Variants in UTRN observed in about 807,000 individuals in gnomAD.
UTRN encodes the protein utrophin, also known as dystrophin-related protein 1.
UTRN carries 283 observed loss-of-function variants against 463.9 expected under a neutral mutation model. The observed-to-expected ratio is 0.61, with a 90% CI of 0.55 to 0.67. The LOEUF is 0.67. UTRN is among the 30% of genes least tolerant of loss of function. The probability of loss-of-function intolerance (pLI) is 0.00; values close to 1 mark genes in which losing one functional copy is unlikely to be tolerated. For missense variants in UTRN, 3,922 were observed against 4,084.3 expected (o/e 0.96, Z 1.08); for synonymous variants, 1,442 against 1,431.5 (o/e 1.01, Z -0.17).
At position 144,523,075 on chromosome 6, in the gene UTRN, G is replaced by A. The variant is rs781438829; in HGVS notation, c.5793G>A (p.Gln1931=). The A allele has an allele frequency of 3.1e-6, 5 of 1,613,332 alleles. No individual in the cohort carries two copies. The Admixed American group carries it at 5.0e-5, about 16-fold the overall frequency. Residue 1931 remains glutamine, a synonymous_variant, in exon 41 of 75, where the codon CAG becomes CAA. Transcript: ENST00000367545. ...AGATTGCAGTCATTCATGAAAAACA[G>A]CCAGATGTCATCCTTGAAGCCTCTG... ...GEQIAVIHEK[Q]PDVILEASGP...
chr6:144,667,047 C>CCTTCTA (rs1413131045), intron 51 of UTRN, among the ~76,000 whole-genome samples: 1 of 149,674 alleles, frequency 6.7e-6, no homozygotes. Flanking sequence ...TCCTCCTCCT[C>CCTTCTA]CTTCTACTTC....
intron 53 of UTRN, among the ~76,000 whole-genome samples, chr6:144,715,315 A>G (rs1169907441): frequency 6.6e-6 from 1 of 152,172 alleles, no homozygotes; most frequent in Non-Finnish European, 1.5e-5. Context: ...CTCTGTTCAA[A>G]ATATAGAATC....
At chr6:144,306,934 G>A (rs890778638) in intron 2 of UTRN, among the ~76,000 whole-genome samples, 7 of 151,472 alleles carry the variant, frequency 4.6e-5, no homozygotes, top group South Asian at 2.1e-4. Context: ...GCATGGGGTC[G>A]CGCACCTGTA....
At chr6:144,404,805 A>G (rs1783239026) in intron 3 of UTRN, among the ~76,000 whole-genome samples, 1 of 152,186 alleles carries the variant, frequency 6.6e-6, no homozygotes, top group Non-Finnish European at 1.5e-5. Flanking sequence ...AGACAGAATA[A>G]TTGAAAAGAA....
chr6:144,710,921 A>G (rs1447447011), intron 53 of UTRN, among the ~76,000 whole-genome samples: 1 of 152,238 alleles, frequency 6.6e-6, no homozygotes, highest in Non-Finnish European at 1.5e-5. Context: ...TTTGGTAAAC[A>G]GCACACTCAT....
At chr6:144,410,569 A>C (rs1328069772) in intron 3 of UTRN, among the ~76,000 whole-genome samples, 1 of 149,326 alleles carries the variant, frequency 6.7e-6, no homozygotes, top group African/African-American at 2.5e-5. Flanking sequence ...CCTCACCCCC[A>C]CTCCCACCTG....
intron 25 of UTRN, among the ~76,000 whole-genome samples, chr6:144,477,908 T>TATCTATCTATCTATCTATCC (rs376542743): frequency 2.7e-5 from 4 of 147,426 alleles, no homozygotes; most frequent in South Asian, 2.2e-4. Flanking sequence ...TCTATCTATC[T>TATCTATCTATCTATCTATCC]ATCCATCCAT....
At chr6:144,811,939 G>A (rs770946577) in intron 65 of UTRN, among the ~76,000 whole-genome samples, 6 of 152,198 alleles carry the variant, frequency 3.9e-5, no homozygotes, top group African/African-American at 1.2e-4. Context: ...TTCTGTTTGC[G>A]TGCCAAGTGA....
chr6:144,347,137 C>T (rs970260024), intron 2 of UTRN, among the ~76,000 whole-genome samples: 1 of 152,028 alleles, frequency 6.6e-6, no homozygotes, highest in Non-Finnish European at 1.5e-5. Flanking sequence ...CTCGTTTTGC[C>T]ATCCTTCCTG....
chr6:144,377,318 T>A (rs1008779886), intron 2 of UTRN, among the ~76,000 whole-genome samples: 1 of 152,208 alleles, frequency 6.6e-6, no homozygotes, highest in South Asian at 2.1e-4. Context: ...ATTACAGGTG[T>A]GAGCCACGGT....
In UTRN at chr6:144,760,970, C is replaced by T. The variant is rs905930338; in HGVS notation, c.8495+2981C>T. The stretch of plus-strand genomic sequence containing the variant: ...AATTTTATAGATCACTTAAAGCCCA[C>T]TTTGATGGCTTCCCACTGCATTTCT... On this transcript the variant is annotated intron_variant, in intron 58 of 74. Transcript: ENST00000367545. Among the ~76,000 whole-genome samples, 7 of 152,180 alleles carry T rather than the reference C, an allele frequency of 4.6e-5. No individual in the cohort carries two copies. In the East Asian group the frequency reaches 1.3e-3, roughly 29 times the overall value.
intron 2 of UTRN, among the ~76,000 whole-genome samples, chr6:144,346,229 G>A (rs1442336757): frequency 1.3e-5 from 2 of 151,850 alleles, no homozygotes; most frequent in Non-Finnish European, 2.9e-5. Flanking sequence ...AGTAGCTACA[G>A]TGTTAAATAT....
intron 47 of UTRN, among the ~76,000 whole-genome samples, 181 bp downstream of exon 47, chr6:144,549,035 G>C (rs1016814434): frequency 1.3e-5 from 2 of 152,180 alleles, no homozygotes; most frequent in East Asian, 3.8e-4. Flanking sequence ...CATTTATACT[G>C]TTGTGATATG....
At chr6:144,516,633 A>G (rs1795634556) in intron 38 of UTRN, among the ~76,000 whole-genome samples, 178 bp from the exon 39 acceptor site, 1 of 151,644 alleles carries the variant, frequency 6.6e-6, no homozygotes, top group Non-Finnish European at 1.5e-5. Flanking sequence ...TCTTTGAGAC[A>G]TTTTATCTTC....
intron 51 of UTRN, among the ~76,000 whole-genome samples, chr6:144,628,427 A>G (rs888194515): frequency 2.0e-5 from 3 of 152,090 alleles, no homozygotes; most frequent in Non-Finnish European, 4.4e-5. Flanking sequence ...TGTGTGCAGA[A>G]CTCCAGTGCT....
At chr6:144,501,950 G>A (rs915339167) in intron 34 of UTRN, among the ~76,000 whole-genome samples, 4 of 152,058 alleles carry the variant, frequency 2.6e-5, no homozygotes, top group African/African-American at 7.2e-5. Flanking sequence ...TAAAAATACC[G>A]CTTTTTACTC....
At chr6:144,314,915 A>G (rs1775183488) in intron 2 of UTRN, among the ~76,000 whole-genome samples, 1 of 152,060 alleles carries the variant, frequency 6.6e-6, no homozygotes, top group Non-Finnish European at 1.5e-5. Flanking sequence ...ACTCACAACA[A>G]AAATACCTAT....
intron 51 of UTRN, among the ~76,000 whole-genome samples, chr6:144,598,739 A>G (rs1371212161): frequency 6.6e-6 from 1 of 152,216 alleles, no homozygotes; most frequent in Non-Finnish European, 1.5e-5. Flanking sequence ...AGGTCGCTGT[A>G]TTAATGTTAA....
intron 54 of UTRN, among the ~76,000 whole-genome samples, chr6:144,733,367 A>G (rs911606347): frequency 6.6e-6 from 1 of 152,130 alleles, no homozygotes; most frequent in Non-Finnish European, 1.5e-5. Context: ...AATACAAAAA[A>G]TTAGCCAGGT....
Sources: gnomAD v4.1 joint callset for allele counts (sites outside exome capture counted in the v4.1 genomes callset) on GRCh38, gnomAD v4.1.1 for gene constraint, MANE v1.5 for transcripts, NCBI Gene and HGNC (gene_info 2026-07-23, HGNC 2026-07-21) for gene names.